Variants in LNX1 observed in about 807,000 individuals in gnomAD.
The protein encoded by LNX1 is ligand of numb-protein X 1.
LNX1 carries 54 observed loss-of-function variants against 68.4 expected under a neutral mutation model. That is an observed-to-expected ratio of 0.79 (90% CI 0.63 to 0.99). The LOEUF is 0.99. Among genes scored for constraint, LNX1 ranks in the 50% least tolerant of loss-of-function variants. LNX1 has a pLI of 0.00. For missense variants in LNX1, 906 were observed against 926.4 expected (o/e 0.98, Z 0.29); for synonymous variants, 336 against 350.0 (o/e 0.96, Z 0.45).
chr4:53,468,407 A>G (rs1489558668), intron 9 of LNX1, among the ~76,000 whole-genome samples: 1 of 152,242 alleles, frequency 6.6e-6, no homozygotes, highest in East Asian at 1.9e-4. Flanking sequence ...TGTAAAGACC[A>G]TCGAGGCTAA....
At chr4:53,492,506 T>TGAGAGAGAGAGAGAGA (rs58715153) in intron 6 of LNX1, among the ~76,000 whole-genome samples, 2,673 of 88,912 alleles carry the variant, frequency 0.03, 271 homozygotes, top group Middle Eastern at 0.062. Context: ...CAGAGGGCTC[T>TGAGAGAGAGAGAGAGA]GAGAGAGAGA....
intron 5 of LNX1, 130 bp from the exon 6 acceptor site, chr4:53,496,524 C>T: frequency 3.5e-6 from 4 of 1,144,080 alleles, no homozygotes; most frequent in Non-Finnish European, 4.8e-6. Context: ...ATCCTGTGTC[C>T]AATAACCGCA....
intron 1 of LNX1, among the ~76,000 whole-genome samples, chr4:53,642,223 TAAAAAA>T (rs745476837): frequency 1.0e-5 from 1 of 96,308 alleles, no homozygotes; most frequent in Non-Finnish European, 2.2e-5. Context: ...AATCCTATCT[TAAAAAA>T]AAAAAAAAAA....
At chr4:53,599,238 G>T (rs1380909076) in intron 2 of LNX1, among the ~76,000 whole-genome samples, 1 of 152,150 alleles carries the variant, frequency 6.6e-6, no homozygotes, top group Non-Finnish European at 1.5e-5. Flanking sequence ...ACAAGACACA[G>T]GTCAGAAAGA....
intron 9 of LNX1, among the ~76,000 whole-genome samples, chr4:53,466,143 CTT>C (rs1384549113): frequency 1.0e-4 from 5 of 48,846 alleles, no homozygotes; most frequent in African/African-American, 2.2e-4. Context: ...GCAGCATAAA[CTT>C]TTTGTTTTAA....
chr4:53,518,791 T>C (rs1159334161), intron 2 of LNX1, among the ~76,000 whole-genome samples: 1 of 137,768 alleles, frequency 7.3e-6, no homozygotes. Flanking sequence ...GGCTGATTAT[T>C]TGGGGGGCAA....
chr4:53,590,083 C>T (rs143155722), intron 1 of LNX1, among the ~76,000 whole-genome samples: 1 of 152,088 alleles, frequency 6.6e-6, no homozygotes, highest in African/African-American at 2.4e-5. Context: ...AAACCCCCCC[C>T]CTTAAACTCA....
Position 53,628,060 on chromosome 4 carries a change from A to G in LNX1, c.-215+24108T>C, listed in dbSNP as rs1239186694. On this transcript the variant is annotated intron_variant, in intron 1 of 2. Transcript: ENST00000507168. ...GGCATTTTTCTTTAGTGCCTCTTCAAATTTTCAAGTGGGAGTGAAAATTAA... is the reference window on the plus strand; with the variant it reads ...GGCATTTTTCTTTAGTGCCTCTTCAGATTTTCAAGTGGGAGTGAAAATTAA... 4.6e-5 allele frequency among the ~76,000 whole-genome samples: 7 copies of G among 152,318 alleles called. No individual in the cohort carries two copies. In the East Asian group the frequency reaches 1.4e-3, roughly 29 times the overall value.
At chr4:53,545,655 A>G (rs1488054109) in intron 2 of LNX1, among the ~76,000 whole-genome samples, 3 of 152,120 alleles carry the variant, frequency 2.0e-5, no homozygotes, top group Non-Finnish European at 4.4e-5. Context: ...CTTCCTGTGT[A>G]TTGCATTTAA....
At chr4:53,631,859 GC>G (rs1734287108) in intron 1 of LNX1, among the ~76,000 whole-genome samples, 4 of 151,574 alleles carry the variant, frequency 2.6e-5, no homozygotes, top group Non-Finnish European at 5.9e-5. Context: ...TGGAGCCTGA[GC>G]CTTTTTTTTT....
intron 1 of LNX1, among the ~76,000 whole-genome samples, chr4:53,640,994 GTA>G (rs1455932379): frequency 6.6e-6 from 1 of 152,238 alleles, no homozygotes; most frequent in Non-Finnish European, 1.5e-5. Context: ...GGATGAAAAG[GTA>G]TTGGAAGGCT....
chr4:53,603,343 C>G (rs1405454507), intron 2 of LNX1, among the ~76,000 whole-genome samples: 1 of 152,064 alleles, frequency 6.6e-6, no homozygotes, highest in Non-Finnish European at 1.5e-5. Context: ...TGGACAAAAT[C>G]AATTTGGGAA....
At chr4:53,633,326 C>A (rs2109874747) in intron 1 of LNX1, among the ~76,000 whole-genome samples, 1 of 152,310 alleles carries the variant, frequency 6.6e-6, no homozygotes, top group African/African-American at 2.4e-5. Context: ...CCTCTTTGGT[C>A]CCCCATGCAC....
chr4:53,602,293 G>T (rs1302942980), intron 2 of LNX1, among the ~76,000 whole-genome samples: 2 of 152,206 alleles, frequency 1.3e-5, no homozygotes, highest in African/African-American at 2.4e-5. Context: ...GAAAATACCT[G>T]TGTGAGCAAC....
chr4:53,477,641 G>A (rs1178686570), intron 8 of LNX1, among the ~76,000 whole-genome samples: 4 of 152,068 alleles, frequency 2.6e-5, no homozygotes, highest in Admixed American at 6.6e-5. Context: ...TTTCCACCCA[G>A]ATGTTTTGCA....
intron 1 of LNX1, among the ~76,000 whole-genome samples, chr4:53,633,007 T>C (rs971824715): frequency 1.3e-5 from 2 of 152,054 alleles, no homozygotes; most frequent in African/African-American, 4.8e-5. Flanking sequence ...AGTGTGTGAG[T>C]GGTGGGGAGT....
At chr4:53,616,939 C>T (rs1179562523) in intron 1 of LNX1, among the ~76,000 whole-genome samples, 2 of 152,186 alleles carry the variant, frequency 1.3e-5, no homozygotes, top group Non-Finnish European at 2.9e-5. Flanking sequence ...ATAAAAGTTC[C>T]CTGACTATAA....
intron 1 of LNX1, among the ~76,000 whole-genome samples, chr4:53,647,164 T>A (rs943991869): frequency 4.6e-5 from 7 of 152,252 alleles, no homozygotes; most frequent in African/African-American, 1.7e-4. Flanking sequence ...CTAAATTTTG[T>A]GTGCAGAACT....
intron 2 of LNX1, among the ~76,000 whole-genome samples, chr4:53,539,759 C>A (rs1270732847): frequency 6.6e-6 from 1 of 152,154 alleles, no homozygotes; most frequent in Non-Finnish European, 1.5e-5. Context: ...CTGCTGTTAC[C>A]CAAAACCCAC....
Sources: allele counts gnomAD v4.1 joint callset (sites outside exome capture counted in the v4.1 genomes callset), GRCh38; gene constraint gnomAD v4.1.1; transcripts MANE v1.5; gene names NCBI Gene and HGNC (gene_info 2026-07-23, HGNC 2026-07-21).